TECPR1: variants seen among roughly 807,000 people sequenced by gnomAD.
TECPR1 encodes tectonin beta-propeller repeat containing 1.
TECPR1 carries 122 observed loss-of-function variants against 162.4 expected under a neutral mutation model. That is an observed-to-expected ratio of 0.75 (90% confidence interval 0.65 to 0.87). The LOEUF (loss-of-function observed/expected upper bound fraction) is 0.87. Ranked by LOEUF, TECPR1 falls within the 40% of genes least tolerant of loss-of-function variation. The pLI is 0.00. For missense variants in TECPR1, 1,432 were observed against 1,618.2 expected, an observed-to-expected ratio of 0.88 and a Z score of 1.97; for synonymous variants, 642 against 670.6, an observed-to-expected ratio of 0.96 and a Z score of 0.66.
At chr7:98,221,630 A>T in intron 23 of TECPR1, 31 bp downstream of exon 23, 1 of 1,605,240 alleles carries the variant, frequency 6.2e-7, no homozygotes, top group Non-Finnish European at 8.5e-7. Flanking sequence ...CCCAGCCAAA[A>T]CATTAAAAAT....
At chr7:98,228,645 G>A (rs905017110) in intron 16 of TECPR1, 7 of 212,656 alleles carry the variant, frequency 3.3e-5, no homozygotes, top group South Asian at 2.0e-4. Context: ...TGTGGGCTGC[G>A]GCCTGGAACG....
intron 2 of TECPR1, among the ~76,000 whole-genome samples, chr7:98,246,837 C>T (rs562907732): frequency 7.4e-4 from 113 of 152,182 alleles, no homozygotes; most frequent in Middle Eastern, 3.4e-3. Context: ...CCTGCCTCTG[C>T]CTCCCGAAGT....
chr7:98,245,011 C>A lies in TECPR1; in HGVS notation c.282G>T (p.Gly94=), dbSNP rs1195927847. 1.2e-6 allele frequency: 2 copies of A among 1,608,948 alleles called. No homozygotes were observed. The highest frequency in any genetic ancestry group is 1.3e-5 in the African/African-American group (1 of 74,928). The part of the protein sequence containing the change: ...CEKLLLSDRW[G]WSDVSGLQHR... ...GCTGGAGCCCACTCACGTCACTCCA[C>A]CCCCAGCGGTCACTCAGCAGGAGCT... Residue 94 remains glycine (G), a synonymous_variant, in exon 4 of 26, where the codon GGG becomes GGT. Coordinates refer to ENST00000447648, the MANE Select transcript of TECPR1 (RefSeq NM_015395.3).
In TECPR1 at chr7:98,232,782, C is replaced by A; in HGVS notation, c.1818+45G>T. 1 of 1,494,372 alleles carries A rather than the reference C, an allele frequency of 6.7e-7. No homozygotes were observed. Among genetic ancestry groups the A allele is most frequent in the South Asian group, 1.3e-5 (1 of 76,926 alleles). 92.6% of individuals were successfully genotyped at this position (1,494,372 alleles called of 1,614,324 possible). A position where few individuals can be genotyped will look rare whatever the true frequency, so the allele number is the denominator to read the frequency against. The stretch of plus-strand genomic sequence containing the variant: ...ACAGCAGGCGCTCAATGAATGATTG[C>A]TGGAAAAAAAAAAAAAATGCATGCG... On this transcript the variant is annotated intron_variant, in intron 12 of 25. Coordinates refer to ENST00000447648, the MANE Select transcript of TECPR1 (RefSeq NM_015395.3). The surrounding 1 kb of genome is among the most constrained non-coding windows in gnomAD (Gnocchi z 4.6).
intron 13 of TECPR1, 48 bp from the exon 14 acceptor site, chr7:98,231,421 G>A (rs1242521044): frequency 4.5e-6 from 7 of 1,544,080 alleles, no homozygotes; most frequent in Non-Finnish European, 5.3e-6. Flanking sequence ...AGGGCAGGAG[G>A]CCTCTGGAGG....
chr7:98,229,041 TG>T lies in TECPR1; in HGVS notation c.2407del (p.Gln803LysfsTer16). Reference protein sequence around the residue: ...YTGGYGGGCFQGLASSTSNIY... With the variant: ...YTGGYGGGCFXGLASSTSNIY... The stretch of plus-strand genomic sequence containing the variant: ...GGGGGGCTGTGGGCCGCCCTCACCT[TG>T]GAAGCAGCCGCCTCCATAGCCGCCT... On this transcript the variant is annotated frameshift_variant, in exon 16 of 26. Coordinates refer to ENST00000447648, the MANE Select transcript of TECPR1 (RefSeq NM_015395.3). LOFTEE classifies it high-confidence loss of function. 1.2e-6 allele frequency: 2 copies of T among 1,601,144 alleles called. No individual in the cohort carries two copies. Among genetic ancestry groups the T allele is most frequent in the South Asian group, 1.1e-5 (1 of 89,420 alleles).
At chr7:98,244,155 G>GA (rs35603430) in intron 5 of TECPR1, among the ~76,000 whole-genome samples, 55,925 of 152,138 alleles carry the variant, frequency 0.37, 12,059 homozygotes, top group Middle Eastern at 0.56. Context: ...ATGTCCCAGG[G>GA]AGGCCTCCAC....
chr7:98,235,827 C>CAAAAAAAAAAAAAAAAA lies in TECPR1; in HGVS notation c.1181+932_1181+948dup, dbSNP rs765569294. On this transcript the variant is annotated intron_variant, in intron 10 of 25. Transcript: ENST00000447648. The stretch of plus-strand genomic sequence containing the variant: ...CCTGGATGACAGAGTGAGACTGTCT[C>CAAAAAAAAAAAAAAAAA]AAAAAAAAAAAAAAAAAAAAAAAAC... 1.2e-3 allele frequency among the ~76,000 whole-genome samples: 44 copies of CAAAAAAAAAAAAAAAAA among 36,638 alleles called. 4 individuals are homozygous for CAAAAAAAAAAAAAAAAA. The highest frequency in any genetic ancestry group is 2.8e-3 in the African/African-American group (41 of 14,588). 24.0% of individuals were successfully genotyped at this position (36,638 alleles called of 152,430 possible). A position where few individuals can be genotyped will look rare whatever the true frequency, so the allele number is the denominator to read the frequency against.
Position 98,246,152 on chromosome 7 carries a change from C to A in TECPR1, c.-6G>T, listed in dbSNP as rs1192200744. The A allele has an allele frequency of 2.0e-6, 3 of 1,537,886 alleles. No individual in the cohort carries two copies. The East Asian group carries it at 7.4e-5, about 38-fold the overall frequency. On this transcript the variant is annotated 5_prime_UTR_variant, in exon 3 of 26. Coordinates refer to ENST00000447648, the MANE Select transcript of TECPR1 (RefSeq NM_015395.3). ...CACAGCACTGAGTTGGGCATGGCAG[C>A]GGCTGGAGGTAACCTGCGGCAGGAG...
Position 98,229,020 on chromosome 7 carries a change from G to T in TECPR1, c.2410+19C>A, listed in dbSNP as rs369602942. 331 of 1,598,186 alleles carry T rather than the reference G, an allele frequency of 2.1e-4. 1 individual carries two copies. The African/African-American group carries it at 3.5e-3, about 17-fold the overall frequency. Reference sequence around the variant, plus strand: ...AGAACGCCCAGGAAGGCTCCGGGGGGGCTGTGGGCCGCCCTCACCTTGGAA... The same window carrying T: ...AGAACGCCCAGGAAGGCTCCGGGGGTGCTGTGGGCCGCCCTCACCTTGGAA... On this transcript the variant is annotated intron_variant, in intron 16 of 25. Transcript: ENST00000447648.
intron 23 of TECPR1, among the ~76,000 whole-genome samples, chr7:98,218,774 T>C (rs1190217728): frequency 6.6e-6 from 1 of 152,040 alleles, no homozygotes. Flanking sequence ...ATGGGATGAA[T>C]CAGTGGAAGA....
intron 2 of TECPR1, among the ~76,000 whole-genome samples, chr7:98,248,629 G>A (rs1362349570): frequency 1.3e-5 from 2 of 148,944 alleles, no homozygotes; most frequent in African/African-American, 2.5e-5. Context: ...ATCACCTGAT[G>A]CCAGGAGTTT....
rs748253775 is a variant in TECPR1 at position 98,238,544 on chromosome 7, CACCA to C, written c.996_999del (p.Gly333ArgfsTer2). ...ATTCCCACGTTCACCATCGTCATCTCACCAACCATCTCAATCCAACTGGTGCCGC... is the reference window on the plus strand; with the variant it reads ...ATTCCCACGTTCACCATCGTCATCTCACCATCTCAATCCAACTGGTGCCGC... On this transcript the variant is annotated frameshift_variant, in exon 9 of 26. Coordinates refer to ENST00000447648, the MANE Select transcript of TECPR1 (RefSeq NM_015395.3). LOFTEE classifies it high-confidence loss of function. The C allele has an allele frequency of 6.4e-7, 1 of 1,573,596 alleles. No homozygotes were observed.
intron 3 of TECPR1, among the ~76,000 whole-genome samples, chr7:98,245,552 G>A (rs1798884381): frequency 6.6e-6 from 1 of 152,126 alleles, no homozygotes; most frequent in Non-Finnish European, 1.5e-5. Context: ...GCTCACTACA[G>A]CCTTGACCTC....
chr7:98,231,693 A>T (rs1415085480), intron 13 of TECPR1, 111 bp downstream of exon 13: 1 of 990,476 alleles, frequency 1.0e-6, no homozygotes, highest in African/African-American at 2.7e-5. Flanking sequence ...CTCCCTGGGC[A>T]CCCTCATTTC....
chr7:98,245,023 A>C lies in TECPR1; in HGVS notation c.270T>G (p.Ser90Arg), dbSNP rs373768392. 1.1e-5 allele frequency: 17 copies of C among 1,605,080 alleles called. No individual in the cohort carries two copies. The highest frequency in any genetic ancestry group is 1.3e-5 in the Non-Finnish European group (15 of 1,176,564). The change falls in exon 4 of 26, where the codon AGT becomes AGG. Residue 90 changes from serine to arginine, a missense_variant. By Grantham distance (110) the Ser-to-Arg change is moderately radical (BLOSUM62 -1). Coordinates refer to ENST00000447648, the MANE Select transcript of TECPR1 (RefSeq NM_015395.3). Reference sequence around the variant, plus strand: ...TCACGTCACTCCACCCCCAGCGGTCACTCAGCAGGAGCTTCTCACAGAAGC... The same window carrying C: ...TCACGTCACTCCACCCCCAGCGGTCCCTCAGCAGGAGCTTCTCACAGAAGC... ...MGGFCEKLLL[S>R]DRWGWSDVSG...
intron 17 of TECPR1, 141 bp from the exon 18 acceptor site, chr7:98,225,243 G>C (rs577674803): frequency 1.2e-4 from 91 of 776,202 alleles, no homozygotes; most frequent in Non-Finnish European, 1.5e-4. Context: ...ACTCCTAAGA[G>C]GTGACAGCCT....
intron 2 of TECPR1, 84 bp from the exon 3 acceptor site, chr7:98,246,249 G>T: frequency 2.6e-6 from 2 of 763,272 alleles, no homozygotes; most frequent in Non-Finnish European, 4.1e-6. Flanking sequence ...GACTTCTACT[G>T]TGACTATTTA....
intron 10 of TECPR1, among the ~76,000 whole-genome samples, chr7:98,234,741 T>C (rs1435272200): frequency 1.3e-5 from 2 of 149,742 alleles, no homozygotes; most frequent in African/African-American, 4.9e-5. Flanking sequence ...GATAGAGTCT[T>C]TCTCTGTTGC....
Sources: gnomAD v4.1 joint callset for allele counts (sites outside exome capture counted in the v4.1 genomes callset) on GRCh38, gnomAD v4.1.1 for gene constraint, Gnocchi (gnomAD v3.1) non-coding constraint, MANE v1.5 for transcripts, NCBI Gene and HGNC (gene_info 2026-07-23, HGNC 2026-07-21) for gene names.